SVIL: variants seen among roughly 807,000 people sequenced by gnomAD.
SVIL encodes the protein supervillin.
In SVIL, 101 loss-of-function variants were observed where a neutral mutation model predicts 240.4. The observed-to-expected ratio is 0.42, with a 90% CI of 0.36 to 0.50. SVIL has a LOEUF of 0.50. Among genes scored for constraint, SVIL ranks in the 20% least tolerant of loss-of-function variants. The pLI, the probability that SVIL is intolerant of heterozygous loss-of-function variation, is 0.01. For missense variants in SVIL, 2,512 were observed against 2,818.7 expected (o/e 0.89, Z 2.46); for synonymous variants, 999 against 1,100.0 (o/e 0.91, Z 1.82).
intron 3 of SVIL, among the ~76,000 whole-genome samples, chr10:29,646,355 C>T (rs1453636370): frequency 6.6e-6 from 1 of 152,194 alleles, no homozygotes; most frequent in African/African-American, 2.4e-5. Flanking sequence ...CAATATAGGA[C>T]TCCCTTGCAA....
At chr10:29,512,077 G>A (rs574215493) in intron 17 of SVIL, among the ~76,000 whole-genome samples, 1 of 152,236 alleles carries the variant, frequency 6.6e-6, no homozygotes, top group Admixed American at 6.5e-5. Flanking sequence ...CAGCAAGTAA[G>A]TCACCATCAG....
chr10:29,478,924 C>CAAAAAAAAA (rs71020791), intron 29 of SVIL, among the ~76,000 whole-genome samples: 2 of 63,036 alleles, frequency 3.2e-5, no homozygotes, highest in Admixed American at 1.9e-4. Context: ...AACCCTGTCT[C>CAAAAAAAAA]AAAAAAAAAA....
At chr10:29,518,159 G>A (rs1204451869) in intron 16 of SVIL, among the ~76,000 whole-genome samples, 1 of 152,176 alleles carries the variant, frequency 6.6e-6, no homozygotes, top group Non-Finnish European at 1.5e-5. Flanking sequence ...AGGCCTAGAC[G>A]GGTGGATCAC....
chr10:29,645,504 A>G (rs1958626461), intron 3 of SVIL, among the ~76,000 whole-genome samples: 2 of 152,118 alleles, frequency 1.3e-5, no homozygotes, highest in African/African-American at 2.4e-5. Context: ...CGGGAGGTGG[A>G]GTTTGCAGTG....
intron 1 of SVIL, among the ~76,000 whole-genome samples, chr10:29,617,704 T>G (rs1286701502): frequency 1.3e-5 from 2 of 152,210 alleles, no homozygotes; most frequent in African/African-American, 4.8e-5. Flanking sequence ...GAGGTGACAG[T>G]GACTATGAGC....
chr10:29,617,772 T>C (rs375697244), intron 1 of SVIL, among the ~76,000 whole-genome samples: 54 of 152,302 alleles, frequency 3.5e-4, no homozygotes, highest in African/African-American at 1.3e-3. Flanking sequence ...AAGTTTTCAA[T>C]AGAGATTACA....
intron 12 of SVIL, among the ~76,000 whole-genome samples, chr10:29,527,929 ATGTT>A: frequency 6.6e-6 from 1 of 151,370 alleles, no homozygotes; most frequent in East Asian, 2.0e-4. Flanking sequence ...GGGTTTCACC[ATGTT>A]GGCCAGGCTG....
chr10:29,569,484 A>G (rs1380012855), intron 1 of SVIL, among the ~76,000 whole-genome samples, 172 bp from the exon 2 acceptor site: 2 of 152,240 alleles, frequency 1.3e-5, no homozygotes, highest in Non-Finnish European at 2.9e-5. Flanking sequence ...CAAATTCCAC[A>G]TGGAAATTTA....
At chr10:29,468,988 C>T (rs1442975305) in intron 32 of SVIL, 1 of 152,142 alleles carries the variant, frequency 6.6e-6, no homozygotes, top group Non-Finnish European at 1.5e-5. Context: ...TAACTCCAGT[C>T]CTTTGGAGTT....
At chr10:29,641,476 G>T (rs1040321342) in intron 3 of SVIL, among the ~76,000 whole-genome samples, 1 of 152,104 alleles carries the variant, frequency 6.6e-6, no homozygotes, top group African/African-American at 2.4e-5. Flanking sequence ...GCCGAGGCAA[G>T]AGAATCGCTT....
At chr10:29,465,330 G>T (rs952221552) in intron 34 of SVIL, among the ~76,000 whole-genome samples, 2 of 152,176 alleles carry the variant, frequency 1.3e-5, no homozygotes, top group Admixed American at 6.5e-5. Context: ...CTGCCGCTGT[G>T]GTGCTCAACC....
upstream of SVIL, chr10:29,736,858 T>A (rs573090799): frequency 6.6e-6 from 1 of 152,274 alleles, no homozygotes; most frequent in South Asian, 2.1e-4. Context: ...ACTGTCGCCG[T>A]CGCCGCCGGA....
intron 13 of SVIL, among the ~76,000 whole-genome samples, chr10:29,525,620 A>G (rs1197202860): frequency 2.0e-5 from 3 of 152,190 alleles, no homozygotes; most frequent in Non-Finnish European, 4.4e-5. Context: ...GAATGAATAC[A>G]TAAATCAGTA....
At chr10:29,580,968 C>T (rs1955919783) in intron 1 of SVIL, among the ~76,000 whole-genome samples, 1 of 152,118 alleles carries the variant, frequency 6.6e-6, no homozygotes. Flanking sequence ...TTTAAATGTA[C>T]AGTATAGGGG....
intron 17 of SVIL, chr10:29,507,597 C>CCACATACA (rs1554827174): frequency 2.9e-4 from 48 of 166,626 alleles, no homozygotes; most frequent in Non-Finnish European, 1.7e-4. Flanking sequence ...AATTGTACTG[C>CCACATACA]CACACACACA....
At chr10:29,667,897 G>A (rs1257770927) in intron 2 of SVIL, among the ~76,000 whole-genome samples, 1 of 151,504 alleles carries the variant, frequency 6.6e-6, no homozygotes, top group Non-Finnish European at 1.5e-5. Context: ...AAGAGGCAAC[G>A]TTATTATATA....
chr10:29,691,547 C>A (rs925546535), intron 1 of SVIL, among the ~76,000 whole-genome samples: 1 of 152,124 alleles, frequency 6.6e-6, no homozygotes, highest in Non-Finnish European at 1.5e-5. Context: ...CTTTTCTTGG[C>A]GACGCTCCAG....
intron 2 of SVIL, among the ~76,000 whole-genome samples, chr10:29,563,624 T>TA (rs1292887155): frequency 6.6e-6 from 1 of 152,172 alleles, no homozygotes; most frequent in Non-Finnish European, 1.5e-5. Flanking sequence ...AAGCTTGCAT[T>TA]AATTACTCAA....
chr10:29,645,644 T>TA (rs1311855920), intron 3 of SVIL, among the ~76,000 whole-genome samples: 1 of 152,112 alleles, frequency 6.6e-6, no homozygotes, highest in Non-Finnish European at 1.5e-5. Context: ...CATTCTGAAA[T>TA]AAAAAATTAT....
Sources: allele counts gnomAD v4.1 joint callset (sites outside exome capture counted in the v4.1 genomes callset), GRCh38; gene constraint gnomAD v4.1.1; transcripts MANE v1.5; gene names NCBI Gene and HGNC (gene_info 2026-07-23, HGNC 2026-07-21).